RPS3: variants seen among roughly 807,000 people sequenced by gnomAD.
RPS3 encodes the protein ribosomal protein S3, also known as small ribosomal subunit protein uS3.
A neutral mutation model predicts 25.8 loss-of-function variants in RPS3; 2 were observed. The observed-to-expected ratio is 0.08, with a 90% CI of 0.03 to 0.24. The LOEUF (loss-of-function observed/expected upper bound fraction) is 0.24, where lower values mean the gene tolerates loss of function less well. Among genes scored for constraint, RPS3 ranks in the 10% least tolerant of loss-of-function variants. The pLI, the probability that RPS3 is intolerant of heterozygous loss-of-function variation, is 1.00. For synonymous variants in RPS3, 114 were observed against 114.2 expected, an observed-to-expected ratio of 1.00 and a Z score of 0.01; for missense variants, 107 against 307.1, an observed-to-expected ratio of 0.35 and a Z score of 4.87.
intron 6 of RPS3, among the ~76,000 whole-genome samples, chr11:75,421,423 G>A (rs1182303231): frequency 1.3e-5 from 2 of 152,216 alleles, no homozygotes; most frequent in Non-Finnish European, 2.9e-5. Flanking sequence ...AGGCCTCACA[G>A]CGATATGCAC....
chr11:75,402,673 T>G, intron 4 of RPS3: 1 of 353,280 alleles, frequency 2.8e-6, no homozygotes, highest in Non-Finnish European at 5.3e-6. Context: ...AGAAGTGTTC[T>G]GGGTGCTTTG....
chr11:75,399,545 A>G lies in RPS3; in HGVS notation c.-3A>G, dbSNP rs3133187. On this transcript the variant is annotated 5_prime_UTR_variant, in exon 1 of 7. Coordinates refer to ENST00000531188, the MANE Select transcript of RPS3 (RefSeq NM_001005.5). The stretch of plus-strand genomic sequence containing the variant: ...TTTCCTTTCAGCGGAGCGCGGCGGC[A>G]AGATGGCAGTGCAAATATCCAAGAA... 124,709 of 1,613,288 alleles carry G rather than the reference A, an allele frequency of 0.077. 6,547 individuals are homozygous for G. Among genetic ancestry groups the G allele is most frequent in the South Asian group, 0.22 (20,117 of 91,034 alleles).
At position 75,401,024 on chromosome 11, in the gene RPS3, A is replaced by T. The variant is rs535042729; in HGVS notation, c.161+200A>T. Among the ~76,000 whole-genome samples the T allele has an allele frequency of 7.0e-4, 106 of 152,168 alleles. 3 individuals carry two copies. In the South Asian group the frequency reaches 0.011, roughly 15 times the overall value. Reference sequence around the variant, plus strand: ...CAGCCTCCCGAGTAGCTGGGACTATAGGCGCCCGCCACCATACCTTGCTAA... The same window carrying T: ...CAGCCTCCCGAGTAGCTGGGACTATTGGCGCCCGCCACCATACCTTGCTAA... On this transcript the variant is annotated intron_variant, in intron 2 of 6. Coordinates refer to ENST00000531188, the MANE Select transcript of RPS3 (RefSeq NM_001005.5).
At chr11:75,413,715 C>A (rs1251039539) in intron 6 of RPS3, among the ~76,000 whole-genome samples, 1 of 152,250 alleles carries the variant, frequency 6.6e-6, no homozygotes, top group East Asian at 1.9e-4. Flanking sequence ...CCTGCCCTCT[C>A]AGGGTAACCT....
chr11:75,401,098 G>A (rs534690645), intron 2 of RPS3, among the ~76,000 whole-genome samples: 1 of 152,232 alleles, frequency 6.6e-6, no homozygotes, highest in South Asian at 2.1e-4. Flanking sequence ...TAGCCAGGAC[G>A]GTCTGGATCT....
In RPS3 at chr11:75,405,832, T is replaced by A; in HGVS notation, c.*222T>A. 3.7e-6 allele frequency: 1 copy of A among 273,382 alleles called. No homozygotes were observed. The highest frequency in any genetic ancestry group is 4.9e-5 in the Admixed American group (1 of 20,526). 16.9% of individuals were successfully genotyped at this position (273,382 alleles called of 1,614,324 possible). A position where few individuals can be genotyped will look rare whatever the true frequency, so the allele number is the denominator to read the frequency against. ...ACCCAAGCAGAGCCAACCAGAGAAA[T>A]AATATTTGTGTGATAGAGAAGGCTG... On this transcript the variant is annotated 3_prime_UTR_variant, in exon 7 of 7. Coordinates refer to ENST00000531188, the MANE Select transcript of RPS3 (RefSeq NM_001005.5).
In RPS3 at chr11:75,399,522, T is replaced by C. The variant is rs763765147; in HGVS notation, c.-26T>C. On this transcript the variant is annotated 5_prime_UTR_variant, in exon 1 of 7. Transcript: ENST00000531188. ...ACTTCCGCCCGCGAGCCACTTCCTT[T>C]CCTTTCAGCGGAGCGCGGCGGCAAG... 2 of 1,613,820 alleles carry C rather than the reference T, an allele frequency of 1.2e-6. No individual in the cohort carries two copies. The highest frequency in any genetic ancestry group is 1.7e-6 in the Non-Finnish European group (2 of 1,179,848).
At position 75,401,631 on chromosome 11, in the gene RPS3, C is replaced by T. The variant is rs892310440; in HGVS notation, c.162-9C>T. ...GTGAGAATCTTGAATTGTCACTTTT[C>T]CCCCCCAGAACACAGAATGTTCTTG... On this transcript the variant is annotated splice_polypyrimidine_tract_variant and intron_variant, in intron 2 of 6. Coordinates refer to ENST00000531188, the MANE Select transcript of RPS3 (RefSeq NM_001005.5). The T allele has an allele frequency of 6.3e-7, 1 of 1,575,098 alleles. No homozygotes were observed. The highest frequency in any genetic ancestry group is 1.3e-5 in the African/African-American group (1 of 74,276).
intron 1 of RPS3, chr11:75,400,316 C>T: frequency 2.0e-6 from 1 of 509,218 alleles, no homozygotes. Flanking sequence ...AGTACAGTGT[C>T]TTTGCTGTGC....
At position 75,401,665 on chromosome 11, in the gene RPS3, G is replaced by C; in HGVS notation, c.187G>C (p.Gly63Arg). 1 of 1,613,284 alleles carries C rather than the reference G, an allele frequency of 6.2e-7. No individual in the cohort carries two copies. Among genetic ancestry groups the C allele is most frequent in the Non-Finnish European group, 8.5e-7 (1 of 1,179,206 alleles). Residue 63 changes from glycine to arginine, a missense_variant, in exon 3 of 7, where the codon GGC becomes CGC. By Grantham distance (125) the Gly-to-Arg change is moderately radical. Transcript: ENST00000531188. ...AACACAGAATGTTCTTGGTGAGAAG[G>C]GCCGGCGGATTCGGGAACTGACTGC... ...TRTQNVLGEK[G>R]RRIRELTAVV...
chr11:75,405,434 A>C lies in RPS3; in HGVS notation c.*4-180A>C, dbSNP rs972053901. 5.4e-5 allele frequency: 18 copies of C among 335,174 alleles called. No homozygotes were observed. The Admixed American group carries it at 6.4e-4, about 12-fold the overall frequency. 20.8% of individuals were successfully genotyped at this position (335,174 alleles called of 1,614,324 possible). A position where few individuals can be genotyped will look rare whatever the true frequency, so the allele number is the denominator to read the frequency against. ...CAACACTTGGGGTTTTTTTGTTTAT[A>C]GGTGTTGTCTCTCCAGGTGCCTTGT... is the stretch of plus-strand genomic sequence containing the variant. On this transcript the variant is annotated intron_variant, in intron 6 of 6. Transcript: ENST00000531188.
chr11:75,417,137 C>T lies in RPS3; in HGVS notation c.*4-4590C>T, dbSNP rs77154269. 4.3e-3 allele frequency among the ~76,000 whole-genome samples: 654 copies of T among 152,300 alleles called. 5 individuals carry two copies. The highest frequency in any genetic ancestry group is 0.031 in the South Asian group (148 of 4,822). Reference sequence around the variant, plus strand: ...CCTCATTTTACAAGTTTAATCCATACAGTACATCTTAGGCAGAACTGGTGA... The same window carrying T: ...CCTCATTTTACAAGTTTAATCCATATAGTACATCTTAGGCAGAACTGGTGA... On this transcript the variant is annotated intron_variant, in intron 6 of 6. Coordinates refer to the RPS3 transcript ENST00000527446.
At chr11:75,410,394 G>A (rs1294298836), downstream of RPS3, among the ~76,000 whole-genome samples, 8 of 152,026 alleles carry the variant, frequency 5.3e-5, no homozygotes, top group African/African-American at 1.9e-4. Context: ...GACGATGGGC[G>A]GCCGGGCAGA....
rs1948256204 is a variant in RPS3 at position 75,404,512 on chromosome 11, C to A, written c.539-160C>A. Reference sequence around the variant, plus strand: ...GTTCTGTGGTGCTGTGCACGAGTTCCTTTGGCAGAAGTGTCCTATTTATTG... The same window carrying A: ...GTTCTGTGGTGCTGTGCACGAGTTCATTTGGCAGAAGTGTCCTATTTATTG... On this transcript the variant is annotated intron_variant, in intron 5 of 6. Coordinates refer to ENST00000531188, the MANE Select transcript of RPS3 (RefSeq NM_001005.5). The surrounding 1 kb of genome is among the most constrained non-coding windows in gnomAD (Gnocchi z 4.6). 4 of 833,408 alleles carry A rather than the reference C, an allele frequency of 4.8e-6. No individual in the cohort carries two copies. The East Asian group carries it at 9.7e-5, about 20-fold the overall frequency. The allele number at this position is 833,408 out of a possible 1,614,324, so 51.6% of individuals were successfully genotyped here.
At chr11:75,419,091 G>A (rs1347862356) in intron 6 of RPS3, among the ~76,000 whole-genome samples, 1 of 152,178 alleles carries the variant, frequency 6.6e-6, no homozygotes, top group Non-Finnish European at 1.5e-5. Flanking sequence ...GGGTGCCAAA[G>A]GATGTGGGTC....
intron 6 of RPS3, among the ~76,000 whole-genome samples, chr11:75,413,101 CAT>C (rs1360997935): frequency 5.9e-5 from 9 of 152,190 alleles, no homozygotes; most frequent in African/African-American, 1.2e-4. Flanking sequence ...TGAAAATTAA[CAT>C]GTGTTCCAAA....
chr11:75,410,296 T>C (rs1592029392), downstream of RPS3, among the ~76,000 whole-genome samples: 1 of 134,708 alleles, frequency 7.4e-6, no homozygotes, highest in Non-Finnish European at 1.6e-5. Flanking sequence ...GGCAGAGGGT[T>C]TCCTCACTTC....
chr11:75,403,876 A>G (rs1592023529), intron 4 of RPS3, 144 bp from the exon 5 acceptor site: 1 of 695,520 alleles, frequency 1.4e-6, no homozygotes, highest in East Asian at 2.7e-5. Flanking sequence ...ATAGGTGTGG[A>G]AGAGAATTGG....
chr11:75,422,030 C>G (rs1948452179), exon 7 of RPS3: 1 of 152,332 alleles, frequency 6.6e-6, no homozygotes, highest in African/African-American at 2.4e-5. Flanking sequence ...GTGTCAGAAC[C>G]CAATACCCAA....
Sources: gnomAD v4.1 joint callset for allele counts (sites outside exome capture counted in the v4.1 genomes callset) on GRCh38, gnomAD v4.1.1 for gene constraint, Gnocchi (gnomAD v3.1) non-coding constraint, MANE v1.5 for transcripts, NCBI Gene and HGNC (gene_info 2026-07-23, HGNC 2026-07-21) for gene names.